The following SYN2 variants were observed in gnomAD, a reference collection of about 807,000 sequenced individuals.
SYN2 encodes synapsin-2.
SYN2 carries 19 observed loss-of-function variants against 50.9 expected under a neutral mutation model. The observed-to-expected ratio is 0.37, with a 90% CI of 0.26 to 0.55. SYN2 has a LOEUF of 0.55. Among genes scored for constraint, SYN2 ranks in the 20% least tolerant of loss-of-function variants. The probability of loss-of-function intolerance (pLI) is 0.81; values close to 1 mark genes in which losing one functional copy is unlikely to be tolerated. For missense variants in SYN2, 587 were observed against 576.4 expected (o/e 1.02, Z -0.19); for synonymous variants, 255 against 224.9 (o/e 1.13, Z -1.20).
At chr3:12,008,302 C>T (rs1182509751) in intron 1 of SYN2, among the ~76,000 whole-genome samples, 1 of 152,108 alleles carries the variant, frequency 6.6e-6, no homozygotes, top group East Asian at 1.9e-4. Context: ...AGATATAAGG[C>T]AACAGATATT....
chr3:12,090,670 A>G (rs1294745487), intron 1 of SYN2, among the ~76,000 whole-genome samples: 1 of 152,232 alleles, frequency 6.6e-6, no homozygotes, highest in Non-Finnish European at 1.5e-5. Context: ...AATGACATCA[A>G]GGATAGCAGG....
chr3:12,043,752 G>A (rs1180708124), intron 1 of SYN2, among the ~76,000 whole-genome samples: 1 of 152,264 alleles, frequency 6.6e-6, no homozygotes, highest in East Asian at 1.9e-4. Flanking sequence ...CATATCATAT[G>A]ACCTTTCCTA....
intron 1 of SYN2, among the ~76,000 whole-genome samples, chr3:12,075,840 G>T (rs1695456698): frequency 6.6e-6 from 1 of 152,042 alleles, no homozygotes. Flanking sequence ...CCACATGTGG[G>T]ATTTTTAAAA....
In SYN2 at chr3:12,187,435, C is replaced by G. The variant is rs374498302; in HGVS notation, c.1436C>G (p.Pro479Arg). ...GKVLPPRRLP[P>R]GPSLPPSSSS... ...GTGCTGCCTCCACGCCGGCTCCCCC[C>G]TGGACCATCACTGCCACCTTCCTCC... The change falls in exon 12 of 13, where the codon CCT becomes CGT. Residue 479 changes from proline to arginine, a missense_variant. Physicochemically the swap from Pro to Arg is moderately radical, Grantham distance 103. Coordinates refer to ENST00000621198, the MANE Select transcript of SYN2 (RefSeq NM_133625.6). 12 of 1,552,836 alleles carry G rather than the reference C, an allele frequency of 7.7e-6. No homozygotes were observed. The highest frequency in any genetic ancestry group is 1.4e-5 in the African/African-American group (1 of 73,114).
chr3:12,044,181 T>TCTCA (rs573246278), intron 1 of SYN2, among the ~76,000 whole-genome samples: 3 of 53,358 alleles, frequency 5.6e-5, no homozygotes, highest in Admixed American at 3.0e-4. Context: ...TCTCTCTCTC[T>TCTCA]CACACACACA....
intron 10 of SYN2, among the ~76,000 whole-genome samples, chr3:12,171,131 A>G (rs1697927499): frequency 6.6e-6 from 1 of 152,174 alleles, no homozygotes; most frequent in Admixed American, 6.5e-5. Flanking sequence ...GGGATGTTAT[A>G]TATTAGCTCT....
At chr3:12,045,616 C>T (rs1007599930) in intron 1 of SYN2, among the ~76,000 whole-genome samples, 3 of 152,022 alleles carry the variant, frequency 2.0e-5, no homozygotes, top group South Asian at 4.2e-4. Flanking sequence ...TGCTGTAGCC[C>T]GTAGACAATT....
chr3:12,016,303 A>T (rs1188567285), intron 1 of SYN2, among the ~76,000 whole-genome samples: 1 of 152,228 alleles, frequency 6.6e-6, no homozygotes, highest in African/African-American at 2.4e-5. Context: ...TAATTAGCAA[A>T]CTGCTACTAA....
At chr3:12,154,435 A>G (rs775675942) in intron 5 of SYN2, 49 of 1,613,992 alleles carry the variant, frequency 3.0e-5, no homozygotes, top group Middle Eastern at 1.6e-4. Flanking sequence ...AGACTTTTCC[A>G]TCACTGAGGA....
intron 1 of SYN2, among the ~76,000 whole-genome samples, chr3:12,027,780 A>C (rs1694292911): frequency 6.6e-6 from 1 of 152,152 alleles, no homozygotes; most frequent in South Asian, 2.1e-4. Flanking sequence ...CTTTCAATTC[A>C]TGCCTCTGAG....
At chr3:12,067,204 A>G (rs549814643) in intron 1 of SYN2, among the ~76,000 whole-genome samples, 1 of 152,328 alleles carries the variant, frequency 6.6e-6, no homozygotes, top group South Asian at 2.1e-4. Context: ...TCCCTAGGGG[A>G]GAAAAGACAA....
intron 1 of SYN2, among the ~76,000 whole-genome samples, chr3:12,097,478 C>T (rs1274107469): frequency 1.2e-4 from 18 of 151,940 alleles, no homozygotes; most frequent in Non-Finnish European, 2.4e-4. Flanking sequence ...TGGTGGCGCA[C>T]GCCTGTAGTC....
intron 1 of SYN2, among the ~76,000 whole-genome samples, chr3:12,086,929 CTGA>C (rs1695713368): frequency 6.6e-6 from 1 of 151,962 alleles, no homozygotes; most frequent in Non-Finnish European, 1.5e-5. Flanking sequence ...ATTGTTTCTG[CTGA>C]TGATATTATA....
At chr3:12,184,752 A>G (rs1000644022) in intron 11 of SYN2, 1 of 985,770 alleles carries the variant, frequency 1.0e-6, no homozygotes, top group African/African-American at 1.7e-5. Context: ...ATGCTGAGGC[A>G]GTTCATTAAA....
At chr3:12,020,578 G>C (rs753254253) in intron 1 of SYN2, among the ~76,000 whole-genome samples, 90 of 152,196 alleles carry the variant, frequency 5.9e-4, no homozygotes, top group Non-Finnish European at 9.7e-4. Flanking sequence ...GAAAGATCTA[G>C]GTAGCAGCTT....
rs569099268 is a variant in SYN2 at position 12,099,694 on chromosome 3, A to G, written c.378-40957A>G. On this transcript the variant is annotated intron_variant, in intron 1 of 12. Transcript: ENST00000621198. ...AATGAAAAAAGGTAGGCTGGGCGCA[A>G]TGGCTCACGCCTGTAATCCCAGCAC... 2.3e-3 allele frequency among the ~76,000 whole-genome samples: 344 copies of G among 152,184 alleles called. 3 individuals are homozygous for G. Among genetic ancestry groups the G allele is most frequent in the African/African-American group, 7.1e-3 (296 of 41,550 alleles).
chr3:12,190,659 G>A lies in SYN2; in HGVS notation c.*34G>A, dbSNP rs936620971. ...ACACACGGGGCACCCAGCCCAACCG[G>A]GAAAGGCATCTAAGACATTCACCAA... On this transcript the variant is annotated 3_prime_UTR_variant, in exon 13 of 13. Coordinates refer to ENST00000621198, the MANE Select transcript of SYN2 (RefSeq NM_133625.6). 1.2e-5 allele frequency: 20 copies of A among 1,603,942 alleles called. No homozygotes were observed. The highest frequency in any genetic ancestry group is 1.7e-5 in the Non-Finnish European group (20 of 1,175,692).
intron 7 of SYN2, among the ~76,000 whole-genome samples, chr3:12,163,197 G>A (rs1290768149): frequency 4.8e-5 from 7 of 144,812 alleles, no homozygotes; most frequent in East Asian, 2.0e-4. Context: ...AGCCGAGATC[G>A]CGCCACTGCA....
At chr3:12,131,859 A>C (rs1218636957) in intron 1 of SYN2, among the ~76,000 whole-genome samples, 3 of 152,154 alleles carry the variant, frequency 2.0e-5, no homozygotes, top group Non-Finnish European at 4.4e-5. Context: ...CATCTGCCAC[A>C]TAAGGCTGTT....
Sources: gnomAD v4.1 joint callset for allele counts (sites outside exome capture counted in the v4.1 genomes callset) on GRCh38, gnomAD v4.1.1 for gene constraint, MANE v1.5 for transcripts, NCBI Gene and HGNC (gene_info 2026-07-23, HGNC 2026-07-21) for gene names.